DLG2: variants seen among roughly 807,000 people sequenced by gnomAD.
DLG2 encodes discs large MAGUK scaffold protein 2.
DLG2 carries 45 observed loss-of-function variants against 132.5 expected under a neutral mutation model. That is an observed-to-expected ratio of 0.34 (90% confidence interval 0.27 to 0.44). The LOEUF is 0.44. DLG2 is among the 20% of genes least tolerant of loss of function. The pLI is 1.00. For synonymous variants in DLG2, 424 were observed against 419.6 expected (o/e 1.01, Z -0.13); for missense variants, 1,045 against 1,196.9 (o/e 0.87, Z 1.87).
chr11:84,754,355 T>C (rs1056568138), intron 6 of DLG2, among the ~76,000 whole-genome samples: 4 of 152,198 alleles, frequency 2.6e-5, no homozygotes, highest in African/African-American at 9.6e-5. Flanking sequence ...CCTTATTCTG[T>C]ATGTTTTGAA....
chr11:84,765,261 G>A (rs1286130132), intron 6 of DLG2, among the ~76,000 whole-genome samples: 1 of 151,994 alleles, frequency 6.6e-6, no homozygotes, highest in South Asian at 2.1e-4. Flanking sequence ...TATAGTCCCT[G>A]TTTCTACACC....
At chr11:83,943,050 C>G (rs2083027620) in intron 14 of DLG2, among the ~76,000 whole-genome samples, 1 of 152,174 alleles carries the variant, frequency 6.6e-6, no homozygotes, top group Non-Finnish European at 1.5e-5. Context: ...TGCACAAGTT[C>G]TCTCTCTTTG....
At chr11:84,817,839 G>A (rs966456185) in intron 6 of DLG2, among the ~76,000 whole-genome samples, 3 of 151,950 alleles carry the variant, frequency 2.0e-5, no homozygotes, top group African/African-American at 7.2e-5. Context: ...CAGAGGGAAA[G>A]AGAAAGGGTT....
chr11:85,283,249 G>T (rs1023162669), intron 4 of DLG2, among the ~76,000 whole-genome samples: 1 of 150,808 alleles, frequency 6.6e-6, no homozygotes, highest in Non-Finnish European at 1.5e-5. Context: ...GTTAAAAATT[G>T]ATTAATTAAT....
chr11:84,637,155 C>T (rs975551740), intron 6 of DLG2, among the ~76,000 whole-genome samples: 5 of 152,086 alleles, frequency 3.3e-5, no homozygotes, highest in Non-Finnish European at 5.9e-5. Flanking sequence ...CCAAAGAAAG[C>T]GATGTCCAGT....
chr11:84,226,986 T>G (rs771336635), intron 8 of DLG2, among the ~76,000 whole-genome samples: 4 of 151,862 alleles, frequency 2.6e-5, no homozygotes, highest in Non-Finnish European at 4.4e-5. Flanking sequence ...CTCCGGAGGC[T>G]GGGGCAGGAG....
At position 84,385,513 on chromosome 11, in the gene DLG2, A is replaced by T. The variant is rs552105608; in HGVS notation, c.520-134222T>A. On this transcript the variant is annotated intron_variant, in intron 7 of 27. Coordinates refer to ENST00000376104, the MANE Select transcript of DLG2 (RefSeq NM_001142699.3). ...CAAGGTTATTTTTCTTTCCACAGAT[A>T]TTTAGAGTACTGTCACATCATAATC... Among the ~76,000 whole-genome samples, 11 of 152,258 alleles carry T rather than the reference A, an allele frequency of 7.2e-5. 1 individual carries two copies. In the South Asian group the frequency reaches 2.3e-3, roughly 32 times the overall value.
At chr11:84,612,521 T>A (rs1195076594) in intron 6 of DLG2, among the ~76,000 whole-genome samples, 1 of 152,142 alleles carries the variant, frequency 6.6e-6, no homozygotes, top group Non-Finnish European at 1.5e-5. Context: ...GTGCTTATGG[T>A]TAACACTAAG....
chr11:84,322,324 A>G (rs532671745), intron 7 of DLG2, among the ~76,000 whole-genome samples: 7 of 152,288 alleles, frequency 4.6e-5, no homozygotes, highest in African/African-American at 1.2e-4. Context: ...TCATTTTTCA[A>G]AGAAATTTCC....
chr11:85,311,595 A>C (rs2152808923), intron 3 of DLG2, among the ~76,000 whole-genome samples: 1 of 152,170 alleles, frequency 6.6e-6, no homozygotes, highest in East Asian at 1.9e-4. Flanking sequence ...GCTGAGGTAA[A>C]TTGTCCCATC....
intron 16 of DLG2, among the ~76,000 whole-genome samples, chr11:83,870,708 C>A (rs931429886): frequency 2.0e-5 from 3 of 151,998 alleles, no homozygotes; most frequent in African/African-American, 7.3e-5. Context: ...TGGTATTCAG[C>A]GGTGTGCATG....
At chr11:84,547,291 T>C (rs2099392056) in intron 6 of DLG2, among the ~76,000 whole-genome samples, 1 of 152,184 alleles carries the variant, frequency 6.6e-6, no homozygotes, top group South Asian at 2.1e-4. Flanking sequence ...CTGTTTTGAA[T>C]TTTTCAAATT....
At chr11:84,338,192 A>G (rs930969299) in intron 7 of DLG2, among the ~76,000 whole-genome samples, 2 of 152,166 alleles carry the variant, frequency 1.3e-5, no homozygotes, top group African/African-American at 4.8e-5. Flanking sequence ...ACCCACATGA[A>G]TCTAACTCCA....
chr11:84,881,927 A>C (rs2087412103), intron 6 of DLG2, among the ~76,000 whole-genome samples: 1 of 152,220 alleles, frequency 6.6e-6, no homozygotes. Context: ...AACTCAGCAC[A>C]TATTCTACCT....
chr11:84,906,723 GA>G (rs1361194326), intron 6 of DLG2, among the ~76,000 whole-genome samples: 11 of 151,810 alleles, frequency 7.2e-5, no homozygotes, highest in Non-Finnish European at 1.3e-4. Flanking sequence ...TGGGCAGGGG[GA>G]AAAAAATGGA....
intron 18 of DLG2, among the ~76,000 whole-genome samples, chr11:83,714,116 G>A (rs2086136462): frequency 6.6e-6 from 1 of 152,086 alleles, no homozygotes; most frequent in African/African-American, 2.4e-5. Context: ...AACAGAAACA[G>A]TTGGTTGCTG....
chr11:85,204,998 G>T (rs1350638484), intron 4 of DLG2, among the ~76,000 whole-genome samples: 1 of 151,956 alleles, frequency 6.6e-6, no homozygotes, highest in African/African-American at 2.4e-5. Flanking sequence ...AATAAAAATA[G>T]ATCCCTACCT....
chr11:85,105,632 GCTGCAATTTT>G (rs1214385367), intron 6 of DLG2, among the ~76,000 whole-genome samples: 1 of 151,872 alleles, frequency 6.6e-6, no homozygotes, highest in Non-Finnish European at 1.5e-5. Context: ...GGTCCTGTAC[GCTGCAATTTT>G]CTGCAATTTT....
intron 6 of DLG2, among the ~76,000 whole-genome samples, chr11:84,585,477 C>T (rs1419451882): frequency 6.6e-6 from 1 of 152,184 alleles, no homozygotes; most frequent in Non-Finnish European, 1.5e-5. Context: ...TTGGGATTAT[C>T]ATAGGTATTC....
Sources: allele counts gnomAD v4.1 joint callset (sites outside exome capture counted in the v4.1 genomes callset), GRCh38; gene constraint gnomAD v4.1.1; transcripts MANE v1.5; gene names NCBI Gene and HGNC (gene_info 2026-07-23, HGNC 2026-07-21).